Variants in DNAJC18 observed in about 807,000 individuals in gnomAD.
DNAJC18 encodes DnaJ heat shock protein family (Hsp40) member C18.
Under a neutral mutation model 48.6 loss-of-function variants are expected in DNAJC18, and 40 were observed. That is an observed-to-expected ratio of 0.82 (90% CI 0.64 to 1.07). The LOEUF (loss-of-function observed/expected upper bound fraction) is 1.07. Among genes scored for constraint, DNAJC18 ranks in the 50% least tolerant of loss-of-function variants. DNAJC18 has a pLI of 0.00. For missense variants in DNAJC18, 340 were observed against 427.7 expected, an observed-to-expected ratio of 0.79 and a Z score of 1.81; for synonymous variants, 135 against 152.2, an observed-to-expected ratio of 0.89 and a Z score of 0.83.
At chr5:139,418,180 C>G (rs779790428) in intron 7 of DNAJC18, among the ~76,000 whole-genome samples, 1 of 152,058 alleles carries the variant, frequency 6.6e-6, no homozygotes, top group African/African-American at 2.4e-5. Context: ...TATATACTGC[C>G]TTTTTATTGA....
Position 139,439,327 on chromosome 5 carries a change from C to G in DNAJC18, c.40+79G>C. ...ATCACCTCAGACCCAGGATCTCAGC[C>G]CTTGTGCGTCTTCAGGATCCTCATC... On this transcript the variant is annotated intron_variant, in intron 1 of 7. Transcript: ENST00000302060. The surrounding 1 kb of genome is among the most constrained non-coding windows in gnomAD (Gnocchi z 4.1). The G allele has an allele frequency of 6.2e-7, 1 of 1,605,892 alleles. No homozygotes were observed. Among genetic ancestry groups the G allele is most frequent in the Non-Finnish European group, 8.5e-7 (1 of 1,173,300 alleles).
chr5:139,435,163 G>A (rs993721697), intron 2 of DNAJC18, among the ~76,000 whole-genome samples: 4 of 152,076 alleles, frequency 2.6e-5, no homozygotes, highest in African/African-American at 9.7e-5. Flanking sequence ...GACCATCCTG[G>A]CCAACATGGT....
intron 2 of DNAJC18, among the ~76,000 whole-genome samples, 184 bp from the exon 3 acceptor site, chr5:139,428,867 C>A (rs80333428): frequency 0.038 from 5,730 of 152,142 alleles, 141 homozygotes; most frequent in Middle Eastern, 0.071. Context: ...GAACTTAATG[C>A]CTTTCAAAGT....
In DNAJC18 at chr5:139,439,484, T is replaced by C. The variant is rs3923059; in HGVS notation, c.-39A>G. 0.71 allele frequency: 1,143,627 copies of C among 1,613,522 alleles called. 409,586 individuals are homozygous for C. Among genetic ancestry groups the C allele is most frequent in the Non-Finnish European group, 0.74 (867,396 of 1,179,918 alleles). On this transcript the variant is annotated 5_prime_UTR_variant, in exon 1 of 8. Transcript: ENST00000302060. This position sits in a 1 kb window ranked among gnomAD's most constrained non-coding sequence, Gnocchi z 4.1. ...CAGCAGGTCCGCCGAGCCTCCCCCG[T>C]GCCCGAGGCTGAAAGAGAAGGGGGC... is the stretch of plus-strand genomic sequence containing the variant.
At chr5:139,421,869 G>T (rs1221989740) in intron 6 of DNAJC18, among the ~76,000 whole-genome samples, 1 of 152,086 alleles carries the variant, frequency 6.6e-6, no homozygotes, top group African/African-American at 2.4e-5. Flanking sequence ...TGATGGTCTT[G>T]TCTACAGTGA....
At chr5:139,437,776 A>AT (rs888924277) in intron 1 of DNAJC18, among the ~76,000 whole-genome samples, 9 of 152,278 alleles carry the variant, frequency 5.9e-5, no homozygotes, top group Admixed American at 5.9e-4. Context: ...GTAAAATAGT[A>AT]TTTTTTGTTG....
chr5:139,417,187 CAA>C (rs57657416), intron 7 of DNAJC18, among the ~76,000 whole-genome samples: 511 of 109,558 alleles, frequency 4.7e-3, no homozygotes, highest in Middle Eastern at 0.014. Flanking sequence ...GAGACTCTGT[CAA>C]AAAAAAAAAA....
At chr5:139,434,671 T>C (rs1561470054) in intron 2 of DNAJC18, among the ~76,000 whole-genome samples, 1 of 152,202 alleles carries the variant, frequency 6.6e-6, no homozygotes, top group South Asian at 2.1e-4. Context: ...TGCTAGTATA[T>C]AGAAAAATGA....
intron 1 of DNAJC18, among the ~76,000 whole-genome samples, chr5:139,438,784 C>A (rs957642179): frequency 6.6e-6 from 1 of 152,166 alleles, no homozygotes; most frequent in African/African-American, 2.4e-5. Flanking sequence ...CTCTCCAAAT[C>A]CCTGACCTTG....
chr5:139,428,755 A>G (rs541395713), intron 2 of DNAJC18, 72 bp from the exon 3 acceptor site: 2 of 1,504,106 alleles, frequency 1.3e-6, no homozygotes, highest in South Asian at 1.3e-5. Context: ...TAATACATCG[A>G]TCCTACCTCC....
intron 2 of DNAJC18, among the ~76,000 whole-genome samples, chr5:139,432,438 C>G (rs1216194228): frequency 6.6e-6 from 1 of 152,120 alleles, no homozygotes; most frequent in African/African-American, 2.4e-5. Context: ...GCTGGGATTA[C>G]AGGCGTGAGC....
At chr5:139,417,077 C>G (rs990718440) in intron 7 of DNAJC18, among the ~76,000 whole-genome samples, 1 of 151,854 alleles carries the variant, frequency 6.6e-6, no homozygotes, top group Non-Finnish European at 1.5e-5. Context: ...ATAGTCCCAA[C>G]TACTCAGGAG....
intron 2 of DNAJC18, 22 bp downstream of exon 2, chr5:139,437,350 T>C (rs1182286383): frequency 6.3e-7 from 1 of 1,580,506 alleles, no homozygotes; most frequent in Admixed American, 1.8e-5. Flanking sequence ...AAATCACTCA[T>C]TTAATCTCAC....
chr5:139,419,579 CTG>C lies in DNAJC18; in HGVS notation c.952+472_952+473del, dbSNP rs1249736877. Among the ~76,000 whole-genome samples, 8 of 152,318 alleles carry C rather than the reference CTG, an allele frequency of 5.3e-5. No individual in the cohort carries two copies. The East Asian group carries it at 1.2e-3, about 22-fold the overall frequency. On this transcript the variant is annotated intron_variant, in intron 7 of 7. Transcript: ENST00000302060. Reference sequence around the variant, plus strand: ...CTCTAGGGAGTGTGGAATTGGGAAACTGTGGACCAAATCAGCGAGCACCAAGA... The same window carrying C: ...CTCTAGGGAGTGTGGAATTGGGAAACTGGACCAAATCAGCGAGCACCAAGA...
rs567947498 is a variant in DNAJC18 at position 139,410,508 on chromosome 5, A to G, written c.*3640T>C. ...CTTGGCCCTTTCCAAAAATAAATAT[A>G]TTAGGACACTAAGCTTATACCTTAA... On this transcript the variant is annotated 3_prime_UTR_variant, in exon 8 of 8. Coordinates refer to ENST00000302060, the MANE Select transcript of DNAJC18 (RefSeq NM_152686.4). 6.6e-6 allele frequency: 1 copy of G among 152,370 alleles called. No individual in the cohort carries two copies. Among genetic ancestry groups the G allele is most frequent in the Admixed American group, 6.5e-5 (1 of 15,308 alleles). 9.4% of individuals were successfully genotyped at this position (152,370 alleles called of 1,614,324 possible).
intron 6 of DNAJC18, among the ~76,000 whole-genome samples, chr5:139,421,522 C>T (rs1207248290): frequency 2.0e-5 from 3 of 151,868 alleles, no homozygotes; most frequent in East Asian, 3.9e-4. Context: ...AAGGAAAATA[C>T]TAGCCGGGCG....
rs1379528445 is a variant in DNAJC18 at position 139,422,770 on chromosome 5, C to A, written c.717G>T (p.Val239=). 6.2e-7 allele frequency: 1 copy of A among 1,610,628 alleles called. No homozygotes were observed. The highest frequency in any genetic ancestry group is 8.5e-7 in the Non-Finnish European group (1 of 1,179,038). The change falls in exon 6 of 8, where the codon GTG becomes GTT. Residue 239 remains valine, a synonymous_variant. Coordinates refer to ENST00000302060, the MANE Select transcript of DNAJC18 (RefSeq NM_152686.4). ...FIQLLPVLVI[V]IISVITQLLA... ...GCAGCTGAGTAATGACAGATATAATCACAATCACAAGAACTGGAAGTAGCT... is the reference window on the plus strand; with the variant it reads ...GCAGCTGAGTAATGACAGATATAATAACAATCACAAGAACTGGAAGTAGCT...
intron 2 of DNAJC18, among the ~76,000 whole-genome samples, chr5:139,435,595 T>C (rs1278585579): frequency 6.6e-6 from 1 of 151,986 alleles, no homozygotes; most frequent in Non-Finnish European, 1.5e-5. Context: ...ATAAGGGATA[T>C]TGGTTGATAA....
rs1759010975 is a variant in DNAJC18 at position 139,412,668 on chromosome 5, A to T, written c.*1480T>A. ...AGAGTCATGATAATTCAGGCAGCTC[A>T]GCTCCACAGGAAGGCCCAGAACCAC... On this transcript the variant is annotated 3_prime_UTR_variant, in exon 8 of 8. Transcript: ENST00000302060. 1.3e-5 allele frequency: 5 copies of T among 398,610 alleles called. No individual in the cohort carries two copies. Among genetic ancestry groups the T allele is most frequent in the Non-Finnish European group, 2.2e-5 (5 of 226,142 alleles). The allele number at this position is 398,610 out of a possible 1,614,324, so 24.7% of individuals were successfully genotyped here.
Sources: gnomAD v4.1 joint callset for allele counts (sites outside exome capture counted in the v4.1 genomes callset) on GRCh38, gnomAD v4.1.1 for gene constraint, Gnocchi (gnomAD v3.1) non-coding constraint, MANE v1.5 for transcripts, NCBI Gene and HGNC (gene_info 2026-07-23, HGNC 2026-07-21) for gene names.